The following TMEM178B variants were observed in gnomAD, a reference collection of about 807,000 sequenced individuals.
TMEM178B encodes transmembrane protein 178B.
TMEM178B carries 5 observed loss-of-function variants against 31.0 expected under a neutral mutation model. That is an observed-to-expected ratio of 0.16 (90% CI 0.08 to 0.34). The LOEUF is 0.34. Among genes scored for constraint, TMEM178B ranks in the 10% least tolerant of loss-of-function variants. TMEM178B has a pLI of 1.00. For missense variants in TMEM178B, 275 were observed against 400.3 expected, an observed-to-expected ratio of 0.69 and a Z score of 2.67; for synonymous variants, 164 against 164.0, an observed-to-expected ratio of 1.00 and a Z score of 0.00.
chr7:141,507,507 G>A, the TMEM178B span, among the ~76,000 whole-genome samples: 10 of 152,162 alleles, frequency 6.6e-5, no homozygotes, highest in African/African-American at 2.4e-4. Context: ...TGAGTAACTG[G>A]GATTACAGGT....
intron 1 of TMEM178B, among the ~76,000 whole-genome samples, chr7:141,159,885 G>C (rs1022117000): frequency 6.6e-5 from 10 of 151,782 alleles, no homozygotes; most frequent in Admixed American, 3.3e-4. Context: ...CTGGAGTTTG[G>C]CTGTGCAACA....
intron 1 of TMEM178B, among the ~76,000 whole-genome samples, chr7:141,179,647 G>T (rs1174782622): frequency 6.6e-6 from 1 of 152,164 alleles, no homozygotes; most frequent in Non-Finnish European, 1.5e-5. Flanking sequence ...AGGGCTGCAG[G>T]GAGTGGGATT....
chr7:141,095,688 C>T (rs1794948453), intron 1 of TMEM178B, among the ~76,000 whole-genome samples: 1 of 152,182 alleles, frequency 6.6e-6, no homozygotes, highest in Admixed American at 6.5e-5. Flanking sequence ...AAACCCTGAG[C>T]CACCTCACCA....
Position 141,391,723 on chromosome 7 carries a change from C to T in TMEM178B, c.497-45885C>T, listed in dbSNP as rs929067359. On this transcript the variant is annotated intron_variant, in intron 2 of 3. Coordinates refer to ENST00000565468, the MANE Select transcript of TMEM178B (RefSeq NM_001195278.2). ...CCCCCAGCCTCTGGTAACCCCCACT[C>T]TACTTTCTGTGTCTATGAATTTGCT... 2.0e-4 allele frequency among the ~76,000 whole-genome samples: 31 copies of T among 152,068 alleles called. 1 individual carries two copies. The highest frequency in any genetic ancestry group is 1.8e-3 in the Admixed American group (28 of 15,264).
the TMEM178B span, among the ~76,000 whole-genome samples, chr7:141,499,464 C>CA: frequency 0.18 from 9,103 of 50,406 alleles, 565 homozygotes; most frequent in Non-Finnish European, 0.28. Context: ...CACATCTCTA[C>CA]AAAAAAAAAA....
At chr7:141,267,817 T>A (rs533776448) in intron 2 of TMEM178B, among the ~76,000 whole-genome samples, 106 of 152,346 alleles carry the variant, frequency 7.0e-4, no homozygotes, top group African/African-American at 2.5e-3. Flanking sequence ...TCTCTACTCC[T>A]CATCATATAA....
intron 2 of TMEM178B, among the ~76,000 whole-genome samples, chr7:141,264,974 T>C (rs1238388108): frequency 6.6e-6 from 1 of 152,214 alleles, no homozygotes; most frequent in Non-Finnish European, 1.5e-5. Flanking sequence ...ATTTAATTAT[T>C]TGAATATCAC....
At chr7:141,377,235 G>A (rs1220817227) in intron 2 of TMEM178B, among the ~76,000 whole-genome samples, 1 of 151,316 alleles carries the variant, frequency 6.6e-6, no homozygotes, top group East Asian at 2.0e-4. Context: ...CCAGGCTGGA[G>A]TGCAATGGAG....
chr7:141,440,390 C>A (rs1801635670), intron 3 of TMEM178B, among the ~76,000 whole-genome samples: 1 of 152,152 alleles, frequency 6.6e-6, no homozygotes, highest in African/African-American at 2.4e-5. Flanking sequence ...CCAAGTGGAA[C>A]TTCTGGGGAT....
At chr7:141,123,702 C>T (rs1008654505) in intron 1 of TMEM178B, among the ~76,000 whole-genome samples, 2 of 152,076 alleles carry the variant, frequency 1.3e-5, no homozygotes, top group Non-Finnish European at 1.5e-5. Flanking sequence ...GATATACATG[C>T]TAGGATGGCA....
chr7:141,235,865 C>T (rs952741874), intron 2 of TMEM178B, among the ~76,000 whole-genome samples: 1 of 152,246 alleles, frequency 6.6e-6, no homozygotes, highest in Non-Finnish European at 1.5e-5. Flanking sequence ...ATCTTACAAT[C>T]TCCCCTAGAC....
intron 2 of TMEM178B, among the ~76,000 whole-genome samples, chr7:141,328,995 T>G (rs571043423): frequency 5.3e-5 from 8 of 152,306 alleles, no homozygotes; most frequent in African/African-American, 1.9e-4. Context: ...CTGATTGGCC[T>G]TCTTTATAAA....
At chr7:141,091,735 G>A (rs1794883898) in intron 1 of TMEM178B, among the ~76,000 whole-genome samples, 1 of 152,118 alleles carries the variant, frequency 6.6e-6, no homozygotes, top group African/African-American at 2.4e-5. Context: ...AATGTACTTT[G>A]TTAATTTTTA....
At chr7:141,118,296 C>T (rs1397281004) in intron 1 of TMEM178B, among the ~76,000 whole-genome samples, 2 of 152,136 alleles carry the variant, frequency 1.3e-5, no homozygotes, top group African/African-American at 4.8e-5. Flanking sequence ...GGAATCAGGG[C>T]CCACAGGTGA....
rs1194670209 is a variant in TMEM178B at position 141,099,981 on chromosome 7, G to A, written c.382+25289G>A. ...ACTACAGGCACCCGCCACCACACCC[G>A]GCTAATTTTTTGTATTGTTAGTAGA... On this transcript the variant is annotated intron_variant, in intron 1 of 3. Transcript: ENST00000565468. 2.6e-5 allele frequency among the ~76,000 whole-genome samples: 4 copies of A among 151,818 alleles called. No homozygotes were observed. The Admixed American group carries it at 2.6e-4, about 10-fold the overall frequency.
chr7:141,221,649 C>A (rs558523889), intron 2 of TMEM178B, among the ~76,000 whole-genome samples: 251 of 152,290 alleles, frequency 1.6e-3, no homozygotes, highest in Middle Eastern at 0.014. Flanking sequence ...TGTGCTATGC[C>A]CAGAACAAGG....
At position 141,105,091 on chromosome 7, in the gene TMEM178B, A is replaced by T. The variant is rs193024723; in HGVS notation, c.382+30399A>T. Among the ~76,000 whole-genome samples, 140 of 152,232 alleles carry T rather than the reference A, an allele frequency of 9.2e-4. 1 individual carries two copies. The highest frequency in any genetic ancestry group is 3.4e-3 in the Middle Eastern group (1 of 294). ...TTTCATCCCAAAGTTGACATGATGGACGTGTGAGGTGGGAGAGGAAAGAGG... is the reference window on the plus strand; with the variant it reads ...TTTCATCCCAAAGTTGACATGATGGTCGTGTGAGGTGGGAGAGGAAAGAGG... On this transcript the variant is annotated intron_variant, in intron 1 of 3. Transcript: ENST00000565468.
intron 2 of TMEM178B, among the ~76,000 whole-genome samples, chr7:141,244,041 G>C (rs1395106184): frequency 3.9e-5 from 6 of 152,180 alleles, no homozygotes; most frequent in Non-Finnish European, 8.8e-5. Flanking sequence ...GTTTTGTGCA[G>C]TTCAGTCTTA....
At chr7:141,501,727 C>T in the TMEM178B span, among the ~76,000 whole-genome samples, 1 of 152,212 alleles carries the variant, frequency 6.6e-6, no homozygotes, top group East Asian at 1.9e-4. Flanking sequence ...TGCCTCTGGA[C>T]TCAAGTCGCA....
Sources: gnomAD v4.1 joint callset for allele counts (sites outside exome capture counted in the v4.1 genomes callset) on GRCh38, gnomAD v4.1.1 for gene constraint, MANE v1.5 for transcripts, NCBI Gene and HGNC (gene_info 2026-07-23, HGNC 2026-07-21) for gene names.